Variants in JAK2 observed in about 807,000 individuals in gnomAD.
The protein encoded by JAK2 is tyrosine-protein kinase JAK2.
In JAK2, 86 loss-of-function variants were observed where a neutral mutation model predicts 139.3. The observed-to-expected ratio is 0.62, with a 90% CI of 0.52 to 0.74. JAK2 has a LOEUF of 0.74. Ranked by LOEUF, JAK2 falls within the 30% of genes least tolerant of loss-of-function variation. The pLI, the probability that JAK2 is intolerant of heterozygous loss-of-function variation, is 0.00. For missense variants in JAK2, 1,421 were observed against 1,360.3 expected (o/e 1.04, Z -0.70); for synonymous variants, 490 against 437.7 (o/e 1.12, Z -1.49).
At chr9:5,105,510 A>G (rs939275096) in intron 22 of JAK2, among the ~76,000 whole-genome samples, 2 of 152,224 alleles carry the variant, frequency 1.3e-5, no homozygotes, top group African/African-American at 2.4e-5. Flanking sequence ...TATAGATTCA[A>G]TGCCATCCCC....
At chr9:5,105,977 C>CAA (rs1322460678) in intron 22 of JAK2, among the ~76,000 whole-genome samples, 1 of 152,174 alleles carries the variant, frequency 6.6e-6, no homozygotes, top group Admixed American at 6.5e-5. Context: ...AAAGCCTAGG[C>CAA]AATACCATTC....
chr9:5,123,108 A>T lies in JAK2; in HGVS notation c.3164A>T (p.Lys1055Ile). 1 of 1,597,032 alleles carries T rather than the reference A, an allele frequency of 6.3e-7. No individual in the cohort carries two copies. Among genetic ancestry groups the T allele is most frequent in the Non-Finnish European group, 8.6e-7 (1 of 1,169,482 alleles). ...YELFTYIEKSKSPPAEFMRMI... is the reference protein window; with the variant it reads ...YELFTYIEKSISPPAEFMRMI... The stretch of plus-strand genomic sequence containing the variant: ...CTTTTCACATACATTGAGAAGAGTA[A>T]AAGTCCACCAGCGGTCAGTGTGCTT... The change falls in exon 23 of 25, where the codon AAA becomes ATA. Residue 1055 changes from lysine (K) to isoleucine (I), a missense_variant. Physicochemically the swap from Lys to Ile is moderately radical, Grantham distance 102. Transcript: ENST00000381652.
At chr9:5,063,055 C>G (rs993257070) in intron 8 of JAK2, among the ~76,000 whole-genome samples, 8 of 151,968 alleles carry the variant, frequency 5.3e-5, no homozygotes, top group African/African-American at 1.9e-4. Flanking sequence ...TTTGTGTTAG[C>G]TAAATACCTT....
At chr9:5,074,732 C>G (rs995380823) in intron 14 of JAK2, among the ~76,000 whole-genome samples, 1 of 152,168 alleles carries the variant, frequency 6.6e-6, no homozygotes, top group African/African-American at 2.4e-5. Context: ...AAGATTCACC[C>G]GTCTCTCACT....
intron 13 of JAK2, 46 bp from the exon 14 acceptor site, chr9:5,073,652 G>A (rs1176868929): frequency 2.2e-6 from 3 of 1,388,476 alleles, no homozygotes; most frequent in East Asian, 2.3e-5. Flanking sequence ...AACTATTTAT[G>A]GACAACAGTC....
intron 22 of JAK2, chr9:5,099,483 A>T (rs1239732285): frequency 6.6e-6 from 1 of 152,238 alleles, no homozygotes; most frequent in African/African-American, 2.4e-5. Context: ...ATTCAGTTAA[A>T]ATTATTAAAT....
In JAK2 at chr9:5,123,888, C is replaced by CTT. The variant is rs543606211; in HGVS notation, c.3177+778_3177+779dup. On this transcript the variant is annotated intron_variant, in intron 23 of 24. Transcript: ENST00000381652. ...ATATCTCACTGGGGTAATTTTTTCT[C>CTT]TTTTTTTTTTTTGTCATTCTGACTG... 4.7e-3 allele frequency among the ~76,000 whole-genome samples: 672 copies of CTT among 142,192 alleles called. 5 individuals are homozygous for CTT. Among genetic ancestry groups the CTT allele is most frequent in the African/African-American group, 0.017 (645 of 38,964 alleles). The allele number at this position is 142,192 out of a possible 152,430, so 93.3% of individuals were successfully genotyped here.
At chr9:5,040,576 G>T (rs368378857) in intron 4 of JAK2, among the ~76,000 whole-genome samples, 20 of 152,342 alleles carry the variant, frequency 1.3e-4, no homozygotes, top group East Asian at 9.6e-4. Context: ...TCTGATAATT[G>T]TCTTATCTCC....
Position 5,044,872 on chromosome 9 carries a change from A to T in JAK2, c.468+352A>T, listed in dbSNP as rs148403185. 7.6e-3 allele frequency among the ~76,000 whole-genome samples: 1,153 copies of T among 152,280 alleles called. 2 individuals carry two copies. The highest frequency in any genetic ancestry group is 0.013 in the Non-Finnish European group (910 of 68,002). Reference sequence around the variant, plus strand: ...TTAGTAACATTTCTTTATGGTTTTTAAAAAAATTTTTGGACAATTTCAGGC... The same window carrying T: ...TTAGTAACATTTCTTTATGGTTTTTTAAAAAATTTTTGGACAATTTCAGGC... On this transcript the variant is annotated intron_variant, in intron 5 of 24. Transcript: ENST00000381652.
chr9:5,044,643 T>C, intron 5 of JAK2, 123 bp downstream of exon 5: 1 of 544,684 alleles, frequency 1.8e-6, no homozygotes, highest in Non-Finnish European at 3.2e-6. Context: ...GCACAGCAGG[T>C]GCAGAGAAGT....
At chr9:5,098,676 T>C (rs1291939084) in intron 22 of JAK2, 8 of 152,140 alleles carry the variant, frequency 5.3e-5, no homozygotes, top group African/African-American at 1.4e-4. Flanking sequence ...ATATAGACTA[T>C]GAAGAATTAA....
intron 22 of JAK2, chr9:5,114,251 C>G: frequency 1.9e-6 from 1 of 537,836 alleles, no homozygotes; most frequent in Non-Finnish European, 3.7e-6. Flanking sequence ...CCACAATCAC[C>G]TGTCTGGTGG....
intron 24 of JAK2, 40 bp downstream of exon 24, chr9:5,126,486 C>T (rs1246044123): frequency 7.3e-7 from 1 of 1,374,230 alleles, no homozygotes; most frequent in Non-Finnish European, 1.0e-6. Context: ...CATGCATTTT[C>T]TTTTACTTTT....
rs982448103 is a variant in JAK2, at chr9:5,127,144, C to G, written c.*353C>G. 3.4e-5 allele frequency: 9 copies of G among 266,952 alleles called. No individual in the cohort carries two copies. Among genetic ancestry groups the G allele is most frequent in the South Asian group, 2.9e-4 (3 of 10,286 alleles). The allele number at this position is 266,952 out of a possible 1,614,324, so 16.5% of individuals were successfully genotyped here. On this transcript the variant is annotated 3_prime_UTR_variant, in exon 25 of 25. Transcript: ENST00000381652. ...TAAATTTTGCAATGTTAAAGATGCA[C>G]AGAATATGTATGTATAGTTTTTACC... is the stretch of plus-strand genomic sequence containing the variant.
At chr9:5,064,120 C>T (rs747126334) in intron 8 of JAK2, among the ~76,000 whole-genome samples, 8 of 152,296 alleles carry the variant, frequency 5.3e-5, no homozygotes, top group Non-Finnish European at 1.0e-4. Flanking sequence ...CGCGCCATTG[C>T]ACTCCAGCCT....
At chr9:5,048,813 A>G (rs1163696932) in intron 5 of JAK2, among the ~76,000 whole-genome samples, 1 of 152,228 alleles carries the variant, frequency 6.6e-6, no homozygotes, top group African/African-American at 2.4e-5. Context: ...TATTACATCA[A>G]GAGAAGAGAA....
chr9:5,127,258 ATAGT>A lies in JAK2; in HGVS notation c.*470_*473del, dbSNP rs1258547462. On this transcript the variant is annotated 3_prime_UTR_variant, in exon 25 of 25. Transcript: ENST00000381652. ...ATTAATACTGTTTTCTAATTTTTCC[ATAGT>A]TAATCTATAATTAATTACTTCACTA... 4.3e-6 allele frequency: 1 copy of A among 232,464 alleles called. No homozygotes were observed. Among genetic ancestry groups the A allele is most frequent in the Non-Finnish European group, 8.5e-6 (1 of 117,248 alleles). The allele number at this position is 232,464 out of a possible 1,614,324, so 14.4% of individuals were successfully genotyped here.
intron 22 of JAK2, chr9:5,113,766 C>G (rs1822872270): frequency 6.0e-6 from 1 of 165,784 alleles, no homozygotes; most frequent in Non-Finnish European, 1.3e-5. Context: ...AGCCAGCTGA[C>G]TGCCTCGGGT....
chr9:5,054,424 T>C lies in JAK2; in HGVS notation c.615-139T>C. Reference sequence around the variant, plus strand: ...TTATACTGTATGGATGGGGGTTATGTCAACTTACGCCACTTGGCCACTGTG... The same window carrying C: ...TTATACTGTATGGATGGGGGTTATGCCAACTTACGCCACTTGGCCACTGTG... On this transcript the variant is annotated intron_variant, in intron 6 of 24. Transcript: ENST00000381652. The surrounding 1 kb of genome is among the most constrained non-coding windows in gnomAD (Gnocchi z 4.9). 3.1e-6 allele frequency: 2 copies of C among 640,578 alleles called. No individual in the cohort carries two copies. The highest frequency in any genetic ancestry group is 5.5e-6 in the Non-Finnish European group (2 of 366,256). 39.7% of individuals were successfully genotyped at this position (640,578 alleles called of 1,614,324 possible).
Sources: gnomAD v4.1 joint callset for allele counts (sites outside exome capture counted in the v4.1 genomes callset) on GRCh38, gnomAD v4.1.1 for gene constraint, Gnocchi (gnomAD v3.1) non-coding constraint, MANE v1.5 for transcripts, NCBI Gene and HGNC (gene_info 2026-07-23, HGNC 2026-07-21) for gene names.